The following CAST variants were observed in gnomAD, a reference collection of about 807,000 sequenced individuals.
CAST encodes the protein calpastatin, also known as MIR583 host.
Under a neutral mutation model 119.6 loss-of-function variants are expected in CAST, and 76 were observed. The ratio of observed to expected loss-of-function variants is 0.64; its 90% CI spans 0.53 to 0.77. The LOEUF is 0.77. Ranked by LOEUF, CAST falls within the 30% of genes least tolerant of loss-of-function variation. The probability of loss-of-function intolerance (pLI) is 0.00; values close to 1 mark genes in which losing one functional copy is unlikely to be tolerated. For missense variants in CAST, 953 were observed against 946.5 expected (o/e 1.01, Z -0.09); for synonymous variants, 319 against 331.6 (o/e 0.96, Z 0.41).
At chr5:96,315,822 T>A in the CAST span, among the ~76,000 whole-genome samples, 1 of 152,088 alleles carries the variant, frequency 6.6e-6, no homozygotes, top group East Asian at 1.9e-4. Context: ...TGAGCCTCCA[T>A]ATAAGAAGTC....
chr5:96,081,983 G>A, the CAST span, among the ~76,000 whole-genome samples: 5 of 151,958 alleles, frequency 3.3e-5, no homozygotes, highest in Non-Finnish European at 5.9e-5. Context: ...GCGTGATCTC[G>A]GCTCACTGCA....
chr5:96,419,312 T>G, the CAST span, among the ~76,000 whole-genome samples: 6 of 142,540 alleles, frequency 4.2e-5, no homozygotes, highest in East Asian at 5.9e-4. Context: ...TTAAGTGAGA[T>G]ATATATATAT....
At chr5:96,757,981 G>A (rs1766722023) in intron 24 of CAST, among the ~76,000 whole-genome samples, 1 of 152,018 alleles carries the variant, frequency 6.6e-6, no homozygotes, top group Non-Finnish European at 1.5e-5. Flanking sequence ...GAGCCACCGC[G>A]CCTGGCCTAT....
At chr5:96,676,425 GTTC>G (rs1750717393) in intron 2 of CAST, among the ~76,000 whole-genome samples, 2 of 152,066 alleles carry the variant, frequency 1.3e-5, no homozygotes, top group African/African-American at 2.4e-5. Flanking sequence ...CTGAAATTTA[GTTC>G]TTCTTTCTGC....
At chr5:96,324,960 T>A in the CAST span, among the ~76,000 whole-genome samples, 2 of 152,158 alleles carry the variant, frequency 1.3e-5, no homozygotes, top group Non-Finnish European at 2.9e-5. Context: ...ATCCCAAACC[T>A]TTGGGATGCC....
chr5:96,672,679 C>G lies in CAST; in HGVS notation c.76-2860C>G, dbSNP rs1357095340. Among the ~76,000 whole-genome samples, 4 of 130,644 alleles carry G rather than the reference C, an allele frequency of 3.1e-5. No homozygotes were observed. In the Admixed American group the frequency reaches 3.8e-4, roughly 12 times the overall value. 85.7% of individuals were successfully genotyped at this position (130,644 alleles called of 152,430 possible). Reference sequence around the variant, plus strand: ...CCAAGATCGCACCACTGCTCTCCAGCCTGGGTGACAGAGTGAGACTCAGTC... The same window carrying G: ...CCAAGATCGCACCACTGCTCTCCAGGCTGGGTGACAGAGTGAGACTCAGTC... On this transcript the variant is annotated intron_variant, in intron 1 of 31. Coordinates refer to ENST00000675179, the MANE Select transcript of CAST (RefSeq NM_001750.7).
chr5:96,208,937 T>C, the CAST span, among the ~76,000 whole-genome samples: 1 of 152,004 alleles, frequency 6.6e-6, no homozygotes, highest in African/African-American at 2.4e-5. Flanking sequence ...CATCTCCTAT[T>C]ATTATTGTAT....
chr5:96,028,349 T>A, the CAST span, among the ~76,000 whole-genome samples: 1 of 152,022 alleles, frequency 6.6e-6, no homozygotes. Context: ...ACAAAATTTG[T>A]ATGGAATAAT....
At chr5:96,733,779 A>G (rs1362420987) in intron 9 of CAST, among the ~76,000 whole-genome samples, 1 of 152,224 alleles carries the variant, frequency 6.6e-6, no homozygotes, top group Non-Finnish European at 1.5e-5. Context: ...CAAGAGGCTG[A>G]GGCAGGAGAA....
the CAST span, among the ~76,000 whole-genome samples, chr5:95,986,918 A>G: frequency 6.6e-6 from 1 of 152,302 alleles, no homozygotes; most frequent in South Asian, 2.1e-4. Context: ...TGCTGCACAG[A>G]GGCCTGTGGA....
chr5:96,647,065 T>C (rs927827656), intron 1 of CAST, among the ~76,000 whole-genome samples: 2 of 152,204 alleles, frequency 1.3e-5, no homozygotes, highest in Non-Finnish European at 2.9e-5. Flanking sequence ...GGCTTGACTT[T>C]TCTGCTGGGA....
At chr5:96,091,100 G>C in the CAST span, among the ~76,000 whole-genome samples, 1 of 152,164 alleles carries the variant, frequency 6.6e-6, no homozygotes, top group South Asian at 2.1e-4. Context: ...TGTAGTGTAG[G>C]GTTGGGGTGG....
chr5:96,071,951 C>T, the CAST span, among the ~76,000 whole-genome samples: 1 of 152,066 alleles, frequency 6.6e-6, no homozygotes, highest in Admixed American at 6.6e-5. Flanking sequence ...ATTTATATTA[C>T]TCTCTCTACT....
At chr5:96,618,248 G>A (rs1398970569) in intron 1 of CAST, among the ~76,000 whole-genome samples, 2 of 152,210 alleles carry the variant, frequency 1.3e-5, no homozygotes, top group African/African-American at 4.8e-5. Flanking sequence ...TGAGCTCTGT[G>A]CTTCTTGGCT....
chr5:96,689,628 G>T (rs558170491), intron 2 of CAST, among the ~76,000 whole-genome samples: 1 of 152,222 alleles, frequency 6.6e-6, no homozygotes, highest in Admixed American at 6.5e-5. Flanking sequence ...CCATTCTCCT[G>T]ATAAGGAAAT....
intron 2 of CAST, among the ~76,000 whole-genome samples, chr5:96,688,508 A>G (rs1752334858): frequency 6.6e-6 from 1 of 152,218 alleles, no homozygotes; most frequent in African/African-American, 2.4e-5. Context: ...GTTAAGTAAA[A>G]TCATAGCGCT....
chr5:96,363,541 G>A, the CAST span, among the ~76,000 whole-genome samples: 1 of 152,076 alleles, frequency 6.6e-6, no homozygotes, highest in African/African-American at 2.4e-5. Context: ...TCCTTGAAGA[G>A]GTCCTTCACA....
At chr5:96,556,730 T>G (rs896980331) in intron 1 of CAST, among the ~76,000 whole-genome samples, 2 of 152,190 alleles carry the variant, frequency 1.3e-5, no homozygotes, top group African/African-American at 4.8e-5. Context: ...AATCTACATC[T>G]GACTGGTGTA....
intron 1 of CAST, chr5:96,584,396 C>T (rs753928522): frequency 1.3e-5 from 2 of 152,150 alleles, no homozygotes; most frequent in Non-Finnish European, 2.9e-5. Context: ...GAGTGGGGAC[C>T]CCTGACCTAG....
Sources: gnomAD v4.1 joint callset for allele counts (sites outside exome capture counted in the v4.1 genomes callset) on GRCh38, gnomAD v4.1.1 for gene constraint, MANE v1.5 for transcripts, NCBI Gene and HGNC (gene_info 2026-07-23, HGNC 2026-07-21) for gene names.